The following MYO1C variants were observed in gnomAD, a reference collection of about 807,000 sequenced individuals.
The protein encoded by MYO1C is myosin IC, also known as unconventional myosin-Ic.
Under a neutral mutation model 150.8 loss-of-function variants are expected in MYO1C, and 104 were observed. That is an observed-to-expected ratio of 0.69 (90% CI 0.59 to 0.81). The LOEUF (loss-of-function observed/expected upper bound fraction) is 0.81, where lower values mean the gene tolerates loss of function less well. Among genes scored for constraint, MYO1C ranks in the 30% least tolerant of loss-of-function variants. The pLI, the probability that MYO1C is intolerant of heterozygous loss-of-function variation, is 0.00. For missense variants in MYO1C, 1,504 were observed against 1,435.0 expected (o/e 1.05, Z -0.78); for synonymous variants, 663 against 579.9 (o/e 1.14, Z -2.06).
At chr17:1,470,723 C>T (rs371005433) in intron 21 of MYO1C, 34 bp from the exon 22 acceptor site, 64 of 1,587,556 alleles carry the variant, frequency 4.0e-5, no homozygotes, top group African/African-American at 3.3e-4. Context: ...TTGGCCAGAG[C>T]GCGGGGAGCC....
In MYO1C at chr17:1,472,004, T is replaced by C. The variant is rs775202854; in HGVS notation, c.1924A>G (p.Ile642Val). The C allele has an allele frequency of 9.9e-6, 16 of 1,613,986 alleles. No individual in the cohort carries two copies. The Admixed American group carries it at 2.7e-4, about 27-fold the overall frequency. ...KQPGRFDEVL[I>V]RHQVKYLGLL... Reference sequence around the variant, plus strand: ...CCCAGGTACTTCACCTGGTGGCGGATCAGCACCTCGTCAAAGCGGCCTGGG... The same window carrying C: ...CCCAGGTACTTCACCTGGTGGCGGACCAGCACCTCGTCAAAGCGGCCTGGG... The change falls in exon 19 of 32, where the codon ATC becomes GTC. Residue 642 changes from isoleucine (I) to valine (V), a missense_variant. By Grantham distance (29) the Ile-to-Val change is conservative. Transcript: ENST00000648651.
rs2150956321 is a variant in MYO1C at position 1,480,619 on chromosome 17, A to T, written c.814T>A (p.Cys272Ser). Residue 272 changes from cysteine to serine, a missense_variant, in exon 7 of 32, where the codon TGT (cysteine) becomes AGT (serine). Coordinates refer to ENST00000648651, the MANE Select transcript of MYO1C (RefSeq NM_001080779.2). ...TCGTTGATGGAGGAGACTTTGGCAC[A>T]CTGGCCCTGGAGGAAGGGCACAGCT... Reference protein sequence around the residue: ...QSYLYLVKGQCAKVSSINDKS... With the variant: ...QSYLYLVKGQSAKVSSINDKS... 1 of 1,614,076 alleles carries T rather than the reference A, an allele frequency of 6.2e-7. No individual in the cohort carries two copies. Among genetic ancestry groups the T allele is most frequent in the South Asian group, 1.1e-5 (1 of 91,074 alleles).
chr17:1,488,889 GGTGGCCCAGCAGACCTGGGCTATCTA>G lies in MYO1C; in HGVS notation c.75+3498_75+3523del, dbSNP rs1246370797. On this transcript the variant is annotated intron_variant, in intron 1 of 31. Coordinates refer to ENST00000648651, the MANE Select transcript of MYO1C (RefSeq NM_001080779.2). ...CATTTACTGGAACCACAGGGGATGG[GGTGGCCCAGCAGACCTGGGCTATCTA>G]GTGCCCTTCAGCTCCTATAGGCCAG... Among the ~76,000 whole-genome samples the G allele has an allele frequency of 3.9e-5, 6 of 152,298 alleles. No individual in the cohort carries two copies. The East Asian group carries it at 9.6e-4, about 24-fold the overall frequency.
chr17:1,467,668 T>C, intron 29 of MYO1C, 91 bp from the exon 30 acceptor site: 1 of 670,936 alleles, frequency 1.5e-6, no homozygotes, highest in Admixed American at 3.8e-5. Context: ...GACCCCCAAA[T>C]CCACCCCCAT....
rs768527142 is a variant in MYO1C at position 1,484,197 on chromosome 17, G to A, written c.182C>T (p.Ala61Val). Residue 61 changes from alanine to valine, a missense_variant, in exon 2 of 32, where the codon GCC becomes GTC. Coordinates refer to ENST00000648651, the MANE Select transcript of MYO1C (RefSeq NM_001080779.2). ...CCGCCGCAGGTTCTCGATGAAGGCG[G>A]CCTCGCTGGTGAAGTTCTCCAGCAG... Reference protein sequence around the residue: ...FVLLENFTSEAAFIENLRRRF... With the variant: ...FVLLENFTSEVAFIENLRRRF... 3.1e-6 allele frequency: 5 copies of A among 1,612,838 alleles called. No homozygotes were observed. The highest frequency in any genetic ancestry group is 4.2e-6 in the Non-Finnish European group (5 of 1,180,030).
At chr17:1,474,355 G>A (rs749460160) in intron 17 of MYO1C, among the ~76,000 whole-genome samples, 6 of 151,568 alleles carry the variant, frequency 4.0e-5, no homozygotes, top group Non-Finnish European at 8.8e-5. Context: ...TTGAACCAGG[G>A]AGGTGGAGGT....
At chr17:1,467,940 G>A (rs752941362) in intron 28 of MYO1C, 30 bp from the exon 29 acceptor site, 42 of 1,612,586 alleles carry the variant, frequency 2.6e-5, no homozygotes, top group East Asian at 1.1e-4. Context: ...GTCAGAGGTC[G>A]AGGGTCAGAG....
Position 1,468,295 on chromosome 17 carries a change from G to A in MYO1C, c.2718C>T (p.Ile906=), listed in dbSNP as rs1276842459. Residue 906 remains isoleucine (I), a synonymous_variant, in exon 27 of 32, where the codon ATC becomes ATT. Coordinates refer to ENST00000648651, the MANE Select transcript of MYO1C (RefSeq NM_001080779.2). ...CCAAGGCCTGCAGCACTCGGGGGCTGATCTCATCTGTACCTGCAACTCAGA... is the reference window on the plus strand; with the variant it reads ...CCAAGGCCTGCAGCACTCGGGGGCTAATCTCATCTGTACCTGCAACTCAGA... ...FISTRLGTDE[I]SPRVLQALGS... 2 of 1,613,974 alleles carry A rather than the reference G, an allele frequency of 1.2e-6. No individual in the cohort carries two copies. The highest frequency in any genetic ancestry group is 2.2e-5 in the South Asian group (2 of 91,072).
Position 1,479,578 on chromosome 17 carries a change from C to G in MYO1C, c.1020+14G>C. ...CCCGCCGTCCTCCCGTCGCCCTCTG[C>G]CCGCCCCACTCACCCTGGTCAGATA... On this transcript the variant is annotated intron_variant, in intron 8 of 31. Transcript: ENST00000648651. The surrounding 1 kb of genome is among the most constrained non-coding windows in gnomAD (Gnocchi z 4.2). The G allele has an allele frequency of 6.4e-7, 1 of 1,553,270 alleles. No individual in the cohort carries two copies. The highest frequency in any genetic ancestry group is 8.9e-7 in the Non-Finnish European group (1 of 1,128,472).
In MYO1C at chr17:1,478,243, G is replaced by A. The variant is rs2074441187; in HGVS notation, c.1296-51C>T. ...GTGGCTCAGTGGGGACACAGGACCA[G>A]GAGAGGGGAAAAGCTGGACGACGCC... On this transcript the variant is annotated intron_variant, in intron 11 of 31. Transcript: ENST00000648651. The surrounding 1 kb of genome is among the most constrained non-coding windows in gnomAD (Gnocchi z 6.3). 2.5e-6 allele frequency: 4 copies of A among 1,587,900 alleles called. No homozygotes were observed. Among genetic ancestry groups the A allele is most frequent in the Non-Finnish European group, 3.5e-6 (4 of 1,157,608 alleles).
intron 1 of MYO1C, chr17:1,486,329 C>T (rs1239584747): frequency 6.6e-6 from 1 of 152,238 alleles, no homozygotes; most frequent in African/African-American, 2.4e-5. Flanking sequence ...AGCTCGCGCC[C>T]CAGGGACAGG....
Position 1,467,289 on chromosome 17 carries a change from C to T in MYO1C, c.3118G>A (p.Gly1040Ser), listed in dbSNP as rs752420618. 9.3e-6 allele frequency: 15 copies of T among 1,613,548 alleles called. No homozygotes were observed. Among genetic ancestry groups the T allele is most frequent in the South Asian group, 4.4e-5 (4 of 91,004 alleles). Reference protein sequence around the residue: ...GRDGTIDFTPGSELLITKAKN... With the variant: ...GRDGTIDFTPSSELLITKAKN... ...GCCTTGGTGATGAGCAGCTCCGAGC[C>T]GGGTGTGAAGTCAATGGTGCCATCC... The change falls in exon 31 of 32, where the codon GGC becomes AGC. Residue 1040 changes from glycine to serine, a missense_variant. Coordinates refer to ENST00000648651, the MANE Select transcript of MYO1C (RefSeq NM_001080779.2).
At chr17:1,489,857 G>A (rs2074709229) in intron 1 of MYO1C, among the ~76,000 whole-genome samples, 1 of 151,798 alleles carries the variant, frequency 6.6e-6, no homozygotes, top group Non-Finnish European at 1.5e-5. Context: ...TGGCCCACAT[G>A]GTGAAACCCT....
rs2074562944 is a variant in MYO1C, at chr17:1,482,883, AGCAGCCGGTCCCGCACG to A, written c.507_523del (p.Val170ThrfsTer19). ...CACCTCCAGCACCGGGTTGCTCTGT[AGCAGCCGGTCCCGCACG>A]GCACCTCCGCGCTCGGGGGCTGGGC... On this transcript the variant is annotated frameshift_variant, in exon 4 of 32. Coordinates refer to ENST00000648651, the MANE Select transcript of MYO1C (RefSeq NM_001080779.2). LOFTEE classifies it high-confidence loss of function. The A allele has an allele frequency of 7.4e-7, 1 of 1,354,066 alleles. No homozygotes were observed. The highest frequency in any genetic ancestry group is 2.6e-5 in the African/African-American group (1 of 37,822). 83.9% of individuals were successfully genotyped at this position (1,354,066 alleles called of 1,614,324 possible).
Position 1,484,442 on chromosome 17 carries a change from C to T in MYO1C, c.76-139G>A, listed in dbSNP as rs1212221254. On this transcript the variant is annotated intron_variant, in intron 1 of 31. Transcript: ENST00000648651. ...ACACGGGACATGAGCATGACGGGTGCGGGGGGCCTGGGTGCTGAGGGCCTG... is the reference window on the plus strand; with the variant it reads ...ACACGGGACATGAGCATGACGGGTGTGGGGGGCCTGGGTGCTGAGGGCCTG... 10 of 1,074,032 alleles carry T rather than the reference C, an allele frequency of 9.3e-6. No homozygotes were observed. In the South Asian group the frequency reaches 9.9e-5, roughly 11 times the overall value. 66.5% of individuals were successfully genotyped at this position (1,074,032 alleles called of 1,614,324 possible).
At chr17:1,467,364 G>A (rs760373980) in intron 30 of MYO1C, 23 bp from the exon 31 acceptor site, 1 of 1,606,604 alleles carries the variant, frequency 6.2e-7, no homozygotes, top group South Asian at 1.1e-5. Context: ...GGTGGGTGAG[G>A]GTTTTTCCAT....
chr17:1,485,788 A>G, intron 1 of MYO1C: 3 of 776,556 alleles, frequency 3.9e-6, no homozygotes, highest in Non-Finnish European at 4.7e-6. Context: ...CGGCGGCGTC[A>G]GCGAGGGAGG....
intron 5 of MYO1C, chr17:1,481,138 G>A: frequency 1.9e-6 from 1 of 539,046 alleles, no homozygotes; most frequent in Non-Finnish European, 3.4e-6. Flanking sequence ...AATTCAACAG[G>A]CCTGAAGCTC....
At position 1,470,923 on chromosome 17, in the gene MYO1C, ACT is replaced by A; in HGVS notation, c.2212+146_2212+147del. 5 of 1,005,516 alleles carry A rather than the reference ACT, an allele frequency of 5.0e-6. No homozygotes were observed. The East Asian group carries it at 7.8e-5, about 16-fold the overall frequency. The allele number at this position is 1,005,516 out of a possible 1,614,324, so 62.3% of individuals were successfully genotyped here. On this transcript the variant is annotated intron_variant, in intron 21 of 31. Transcript: ENST00000648651. ...GGAGGGGCTCCAAGTCGGCCATTGG[ACT>A]CTCTGGAGAAGGACTCCCTGGAGCT...
Sources: gnomAD v4.1 joint callset for allele counts (sites outside exome capture counted in the v4.1 genomes callset) on GRCh38, gnomAD v4.1.1 for gene constraint, Gnocchi (gnomAD v3.1) non-coding constraint, MANE v1.5 for transcripts, NCBI Gene and HGNC (gene_info 2026-07-23, HGNC 2026-07-21) for gene names.